The following NEMF variants were observed in gnomAD, a reference collection of about 807,000 sequenced individuals.
NEMF encodes the protein nuclear export mediator factor.
Under a neutral mutation model 162.2 loss-of-function variants are expected in NEMF, and 89 were observed. The observed-to-expected ratio is 0.55, with a 90% CI of 0.46 to 0.65. The LOEUF (loss-of-function observed/expected upper bound fraction) is 0.65, where lower values mean the gene tolerates loss of function less well. Among genes scored for constraint, NEMF ranks in the 30% least tolerant of loss-of-function variants. NEMF has a pLI of 0.00. For synonymous variants in NEMF, 421 were observed against 404.5 expected, an observed-to-expected ratio of 1.04 and a Z score of -0.49; for missense variants, 1,133 against 1,261.9, an observed-to-expected ratio of 0.90 and a Z score of 1.55.
chr14:49,811,209 C>A (rs1264596596), intron 18 of NEMF, among the ~76,000 whole-genome samples: 1 of 152,128 alleles, frequency 6.6e-6, no homozygotes, highest in Non-Finnish European at 1.5e-5. Flanking sequence ...CTTTTTAATG[C>A]TAATTATAAA....
chr14:49,796,291 T>C (rs768247422), intron 25 of NEMF: 2 of 467,540 alleles, frequency 4.3e-6, no homozygotes, highest in Middle Eastern at 3.2e-4. Context: ...TGGCAGGTCT[T>C]AGGCATTCAA....
intron 8 of NEMF, among the ~76,000 whole-genome samples, chr14:49,832,762 G>A (rs1238440701): frequency 6.6e-6 from 1 of 152,014 alleles, no homozygotes; most frequent in Non-Finnish European, 1.5e-5. Flanking sequence ...TAAGCTACTA[G>A]GTAATTCAAA....
chr14:49,796,029 A>G (rs1276896590), intron 25 of NEMF, 85 bp from the exon 26 acceptor site: 1 of 922,612 alleles, frequency 1.1e-6, no homozygotes, highest in East Asian at 2.5e-5. Flanking sequence ...GAAGGCACAT[A>G]TACAGTATAT....
At chr14:49,793,043 C>T (rs1890527356) in intron 26 of NEMF, among the ~76,000 whole-genome samples, 1 of 152,074 alleles carries the variant, frequency 6.6e-6, no homozygotes, top group Admixed American at 6.6e-5. Flanking sequence ...TTTAACTCAT[C>T]GTTATTAAAA....
At chr14:49,816,784 C>G (rs1351599533) in intron 16 of NEMF, among the ~76,000 whole-genome samples, 1 of 152,122 alleles carries the variant, frequency 6.6e-6, no homozygotes. Flanking sequence ...TAACCATTCC[C>G]CTACTGATAG....
Position 49,846,268 on chromosome 14 carries a change from A to G in NEMF, c.232-3T>C, listed in dbSNP as rs1178117432. 6.2e-7 allele frequency: 1 copy of G among 1,608,862 alleles called. No homozygotes were observed. The highest frequency in any genetic ancestry group is 8.5e-7 in the Non-Finnish European group (1 of 1,178,922). ...CGACTCTTCAAATGTTTTCGGCACT[A>G]GCAAGAGAAAGAAAAAGGCATTCAT... On this transcript the variant is annotated splice_polypyrimidine_tract_variant and splice_region_variant and intron_variant, in intron 3 of 32. Coordinates refer to ENST00000298310, the MANE Select transcript of NEMF (RefSeq NM_004713.6).
At chr14:49,793,412 C>T (rs539145732) in intron 26 of NEMF, among the ~76,000 whole-genome samples, 2 of 152,272 alleles carry the variant, frequency 1.3e-5, no homozygotes, top group East Asian at 3.9e-4. Flanking sequence ...GGCGCAGTGG[C>T]TCAAGTCTGT....
intron 16 of NEMF, among the ~76,000 whole-genome samples, chr14:49,822,335 T>A (rs1230952536): frequency 1.9e-3 from 222 of 118,556 alleles, no homozygotes; most frequent in African/African-American, 5.1e-3. Context: ...CACATTTTAA[T>A]AAAAAAAAAA....
rs369275230 is a variant in NEMF at position 49,809,824 on chromosome 14, G to A, written c.1745-3691C>T. 1.8e-4 allele frequency among the ~76,000 whole-genome samples: 27 copies of A among 152,136 alleles called. No homozygotes were observed. The East Asian group carries it at 3.3e-3, about 19-fold the overall frequency. ...TGCAGTAAGCTGAGATTACGCAACTGCACTCCAGGCTGGGCAACAGAGCGA... is the reference window on the plus strand; with the variant it reads ...TGCAGTAAGCTGAGATTACGCAACTACACTCCAGGCTGGGCAACAGAGCGA... On this transcript the variant is annotated intron_variant, in intron 18 of 32. Transcript: ENST00000298310.
At chr14:49,786,650 T>C in intron 29 of NEMF, 68 bp downstream of exon 29, 1 of 1,457,942 alleles carries the variant, frequency 6.9e-7, no homozygotes, top group Non-Finnish European at 9.6e-7. Flanking sequence ...ATAAGTTGTG[T>C]TTCAAACATT....
intron 19 of NEMF, among the ~76,000 whole-genome samples, chr14:49,803,622 T>C (rs1318415173): frequency 1.6e-4 from 25 of 151,986 alleles, no homozygotes; most frequent in Admixed American, 1.6e-3. Context: ...ACCTCCTTGG[T>C]TGAAGTGATT....
intron 16 of NEMF, among the ~76,000 whole-genome samples, chr14:49,819,662 C>T (rs781527624): frequency 1.3e-5 from 2 of 152,122 alleles, no homozygotes; most frequent in Non-Finnish European, 2.9e-5. Flanking sequence ...TATCTGCCCG[C>T]CTATGGTCTC....
In NEMF at chr14:49,823,374, CTT is replaced by C. The variant is rs1453947491; in HGVS notation, c.1577+2491_1577+2492del. Among the ~76,000 whole-genome samples, 13 of 150,972 alleles carry C rather than the reference CTT, an allele frequency of 8.6e-5. No individual in the cohort carries two copies. The East Asian group carries it at 2.1e-3, about 25-fold the overall frequency. On this transcript the variant is annotated intron_variant, in intron 16 of 32. Transcript: ENST00000298310. ...GAGCTAAAAGAAACTAAAGCAGAAA[CTT>C]ATTTATTTTTTTAAAAAGGGTATAT...
intron 28 of NEMF, among the ~76,000 whole-genome samples, chr14:49,787,573 CT>C (rs1426804746): frequency 6.6e-6 from 1 of 152,192 alleles, no homozygotes; most frequent in Non-Finnish European, 1.5e-5. Context: ...GGGCACTCAT[CT>C]CATTCATGAC....
chr14:49,828,846 G>A (rs1483127015), intron 13 of NEMF, 39 bp from the exon 14 acceptor site: 5 of 1,453,670 alleles, frequency 3.4e-6, no homozygotes, highest in South Asian at 1.4e-5. Flanking sequence ...TAACGTCAAT[G>A]ACATCACTTT....
At chr14:49,842,414 CA>C (rs1043178676) in intron 4 of NEMF, among the ~76,000 whole-genome samples, 1 of 152,056 alleles carries the variant, frequency 6.6e-6, no homozygotes, top group Non-Finnish European at 1.5e-5. Flanking sequence ...ATAACCTTTT[CA>C]ATAAAAAAGA....
chr14:49,841,267 T>G (rs1043592225), intron 4 of NEMF, among the ~76,000 whole-genome samples: 4 of 150,152 alleles, frequency 2.7e-5, no homozygotes, highest in African/African-American at 9.8e-5. Context: ...AAATCATTTT[T>G]GAGACTACTT....
intron 26 of NEMF, among the ~76,000 whole-genome samples, chr14:49,793,176 T>C (rs952841776): frequency 5.3e-5 from 8 of 152,200 alleles, no homozygotes; most frequent in Non-Finnish European, 1.0e-4. Flanking sequence ...CTATGAAACA[T>C]TATATTTTTG....
intron 28 of NEMF, chr14:49,786,999 G>C (rs184924199): frequency 4.6e-6 from 2 of 430,170 alleles, no homozygotes; most frequent in Admixed American, 4.0e-5. Flanking sequence ...CTCTGAAGTA[G>C]AGGAGGTGGG....
Sources: gnomAD v4.1 joint callset for allele counts (sites outside exome capture counted in the v4.1 genomes callset) on GRCh38, gnomAD v4.1.1 for gene constraint, MANE v1.5 for transcripts, NCBI Gene and HGNC (gene_info 2026-07-23, HGNC 2026-07-21) for gene names.